Variants in VWA5A observed in about 807,000 individuals in gnomAD.
The protein encoded by VWA5A is von Willebrand factor A domain-containing protein 5A.
VWA5A carries 77 observed loss-of-function variants against 84.6 expected under a neutral mutation model. The observed-to-expected ratio is 0.91, with a 90% CI of 0.76 to 1.10. VWA5A has a LOEUF of 1.10. Among genes scored for constraint, VWA5A ranks in the 50% least tolerant of loss-of-function variants. VWA5A has a pLI of 0.00. For synonymous variants in VWA5A, 334 were observed against 350.1 expected (o/e 0.95, Z 0.51); for missense variants, 973 against 963.0 (o/e 1.01, Z -0.14).
In VWA5A at chr11:124,142,296, C is replaced by T. The variant is rs75771105; in HGVS notation, c.2024-146C>T. 7,427 of 1,110,488 alleles carry T rather than the reference C, an allele frequency of 6.7e-3. 41 individuals are homozygous for T. Among genetic ancestry groups the T allele is most frequent in the Non-Finnish European group, 8.2e-3 (6,535 of 795,766 alleles). 68.8% of individuals were successfully genotyped at this position (1,110,488 alleles called of 1,614,324 possible). On this transcript the variant is annotated intron_variant, in intron 16 of 18. Coordinates refer to ENST00000456829, the MANE Select transcript of VWA5A (RefSeq NM_001130142.2). ...CCTTTCACAAGTAGGGTTTGAAGAC[C>T]GATCTTCTGGATGTTGTCTGATGAC... is the stretch of plus-strand genomic sequence containing the variant.
chr11:124,124,097 T>G, intron 10 of VWA5A, 140 bp from the exon 11 acceptor site: 1 of 934,184 alleles, frequency 1.1e-6, no homozygotes, highest in Admixed American at 2.7e-5. Context: ...TGCCAGCGAC[T>G]GAAACATTAG....
intron 15 of VWA5A, among the ~76,000 whole-genome samples, chr11:124,138,047 G>A (rs781402158): frequency 6.6e-6 from 1 of 152,164 alleles, no homozygotes; most frequent in African/African-American, 2.4e-5. Context: ...TTTTCGTAGA[G>A]ATGGGGTTTT....
In VWA5A at chr11:124,123,777, A is replaced by C; in HGVS notation, c.1137A>C (p.Gly379=). ...CACCACTCCAGAACATTTACAGGGG[A>C]CCCTCCATCCCAGGCCACCCCCTAC... ...ILAPLQNIYR[G]PSIPGHPLQL... is the part of the protein sequence containing the mutation. Residue 379 remains glycine (G), a synonymous_variant, in exon 10 of 19, where the codon GGA becomes GGC. Coordinates refer to ENST00000456829, the MANE Select transcript of VWA5A (RefSeq NM_001130142.2). 1.3e-6 allele frequency: 2 copies of C among 1,594,962 alleles called. No individual in the cohort carries two copies. Among genetic ancestry groups the C allele is most frequent in the Non-Finnish European group, 1.7e-6 (2 of 1,172,432 alleles).
chr11:124,126,890 C>T (rs935412871), intron 11 of VWA5A, among the ~76,000 whole-genome samples: 1 of 152,096 alleles, frequency 6.6e-6, no homozygotes, highest in African/African-American at 2.4e-5. Context: ...ATGTCATAAC[C>T]CTTCATATAT....
rs773670995 is a variant in VWA5A, at chr11:124,141,713, G to A, written c.1995G>A (p.Leu665=). ...TGGACGATTACAGTCTCTGTGGGTT[G>A]ATAAGTCACAAGGACCAGCACAGTC... is the stretch of plus-strand genomic sequence containing the variant. The part of the protein sequence containing the change: ...FQMDDYSLCG[L]ISHKDQHSPG... Residue 665 remains leucine (L), a synonymous_variant, in exon 16 of 19, where the codon TTG becomes TTA. Transcript: ENST00000456829. 4 of 1,614,164 alleles carry A rather than the reference G, an allele frequency of 2.5e-6. No homozygotes were observed. In the Admixed American group the frequency reaches 6.7e-5, roughly 27 times the overall value.
chr11:124,118,497 T>A, intron 5 of VWA5A, 36 bp from the exon 6 acceptor site: 1 of 1,611,552 alleles, frequency 6.2e-7, no homozygotes, highest in African/African-American at 1.3e-5. Context: ...TAAAAAGTGT[T>A]GGCAAGGAAA....
At chr11:124,132,835 A>G (rs1865118013) in intron 11 of VWA5A, among the ~76,000 whole-genome samples, 1 of 152,128 alleles carries the variant, frequency 6.6e-6, no homozygotes, top group Admixed American at 6.6e-5. Flanking sequence ...ATCTTGAGAC[A>G]GATGCTTGAT....
chr11:124,117,290 TC>T, intron 2 of VWA5A: 1 of 606,282 alleles, frequency 1.6e-6, no homozygotes, highest in Non-Finnish European at 2.9e-6. Flanking sequence ...TACCAGTGAA[TC>T]TTACACCTTC....
At position 124,137,828 on chromosome 11, in the gene VWA5A, A is replaced by G. The variant is rs926317591; in HGVS notation, c.1879+560A>G. Among the ~76,000 whole-genome samples the G allele has an allele frequency of 2.6e-5, 4 of 152,024 alleles. No individual in the cohort carries two copies. In the South Asian group the frequency reaches 8.3e-4, roughly 31 times the overall value. On this transcript the variant is annotated intron_variant, in intron 15 of 18. Transcript: ENST00000456829. ...ACTTTCTATCTCTATACATTTGCCT[A>G]TCCTGTCTTTATATATTTGTTCTGG...
rs1270027528 is a variant in VWA5A, at chr11:124,134,976, C to T, written c.1301C>T (p.Ala434Val). 1 of 1,613,626 alleles carries T rather than the reference C, an allele frequency of 6.2e-7. No individual in the cohort carries two copies. Among genetic ancestry groups the T allele is most frequent in the South Asian group, 1.1e-5 (1 of 90,906 alleles). ...TCCACCAGCCTAATAAAAGGTATTG[C>T]CCGGGCATCAGGGGGCACCTCAGAA... ...GTSTSLIKGI[A>V]RASGGTSEFI... Residue 434 changes from alanine (A) to valine (V), a missense_variant, in exon 12 of 19, where the codon GCC becomes GTC. Physicochemically the swap from Ala to Val is moderately conservative, Grantham distance 64. Transcript: ENST00000456829.
In VWA5A at chr11:124,147,557, GGAACAGGGTTGTTA is replaced by G. The variant is rs1475190846; in HGVS notation, c.*1616_*1629del. Reference sequence around the variant, plus strand: ...TTTGTTTATGCTGAATGTGATCTGCGGAACAGGGTTGTTAGAAATGCAGCTTTTTAGAAATGCAG... The same window carrying G: ...TTTGTTTATGCTGAATGTGATCTGCGGAAATGCAGCTTTTTAGAAATGCAG... On this transcript the variant is annotated 3_prime_UTR_variant, in exon 19 of 19. Coordinates refer to ENST00000456829, the MANE Select transcript of VWA5A (RefSeq NM_001130142.2). 2.0e-5 allele frequency: 3 copies of G among 152,118 alleles called. No homozygotes were observed. The highest frequency in any genetic ancestry group is 7.2e-5 in the African/African-American group (3 of 41,412). 9.4% of individuals were successfully genotyped at this position (152,118 alleles called of 1,614,324 possible). A position where few individuals can be genotyped will look rare whatever the true frequency, so the allele number is the denominator to read the frequency against.
At chr11:124,133,424 A>C (rs952505717) in intron 11 of VWA5A, among the ~76,000 whole-genome samples, 2 of 152,208 alleles carry the variant, frequency 1.3e-5, no homozygotes, top group African/African-American at 2.4e-5. Flanking sequence ...GGAACATCAG[A>C]TGCTGGGCTC....
intron 6 of VWA5A, 52 bp from the exon 7 acceptor site, chr11:124,118,923 G>A: frequency 6.4e-7 from 1 of 1,573,490 alleles, no homozygotes. Context: ...TCAGCCCCAA[G>A]AAGCAAGAAG....
At chr11:124,132,760 C>T (rs1488210990) in intron 11 of VWA5A, among the ~76,000 whole-genome samples, 1 of 151,982 alleles carries the variant, frequency 6.6e-6, no homozygotes, top group Non-Finnish European at 1.5e-5. Flanking sequence ...AATATCTGCT[C>T]GAATCTATCT....
chr11:124,136,782 T>TCCG, intron 14 of VWA5A, 108 bp downstream of exon 14: 1 of 567,816 alleles, frequency 1.8e-6, no homozygotes, highest in Admixed American at 3.7e-5. Context: ...CCCTCCCTCC[T>TCCG]TCCTTCCTTC....
chr11:124,124,369 A>G (rs766823449), intron 11 of VWA5A, 53 bp downstream of exon 11: 7 of 1,594,038 alleles, frequency 4.4e-6, no homozygotes, highest in Non-Finnish European at 6.0e-6. Flanking sequence ...TGACACACAG[A>G]CTCTAGTGCT....
At position 124,136,255 on chromosome 11, in the gene VWA5A, A is replaced by C; in HGVS notation, c.1486A>C (p.Arg496=). The part of the protein sequence containing the change: ...PEQTVIFRGQ[R]LISYAQLTGR... ...ACAGACTGTCATCTTTAGGGGTCAG[A>C]GATTAATCAGCTATGCCCAGCTGAC... Residue 496 remains arginine (R), a synonymous_variant, in exon 13 of 19, where the codon AGA becomes CGA. Transcript: ENST00000456829. The C allele has an allele frequency of 6.2e-7, 1 of 1,614,142 alleles. No individual in the cohort carries two copies. Among genetic ancestry groups the C allele is most frequent in the Non-Finnish European group, 8.5e-7 (1 of 1,180,024 alleles).
intron 18 of VWA5A, 152 bp downstream of exon 18, chr11:124,145,515 G>A (rs1565292920): frequency 1.6e-6 from 2 of 1,237,810 alleles, no homozygotes; most frequent in African/African-American, 1.5e-5. Flanking sequence ...GGACAAGGGT[G>A]AAATATTAAA....
chr11:124,139,943 A>C (rs938934766), intron 15 of VWA5A, among the ~76,000 whole-genome samples: 4 of 151,944 alleles, frequency 2.6e-5, no homozygotes, highest in African/African-American at 7.3e-5. Flanking sequence ...GTTTGCCATA[A>C]TTGTCTTTAT....
Sources: gnomAD v4.1 joint callset for allele counts (sites outside exome capture counted in the v4.1 genomes callset) on GRCh38, gnomAD v4.1.1 for gene constraint, MANE v1.5 for transcripts, NCBI Gene and HGNC (gene_info 2026-07-23, HGNC 2026-07-21) for gene names.